The following SLC35D4 variants were observed in gnomAD, a reference collection of about 807,000 sequenced individuals.
SLC35D4 encodes UDP-N-acetylglucosamine transporter SLC35D4.
chr18:23,300,363 G>T, the SLC35D4 span, among the ~76,000 whole-genome samples: 1 of 152,276 alleles, frequency 6.6e-6, no homozygotes, highest in South Asian at 2.1e-4. Context: ...GTTTGGGAGG[G>T]TTTTATTTCT....
the SLC35D4 span, among the ~76,000 whole-genome samples, chr18:23,247,736 A>G: frequency 6.9e-4 from 105 of 152,362 alleles, 1 homozygote; most frequent in African/African-American, 2.3e-3. Flanking sequence ...GCCGCAGCTC[A>G]GAGAAGCAGG....
the SLC35D4 span, among the ~76,000 whole-genome samples, chr18:23,406,869 A>C: frequency 6.6e-6 from 1 of 152,198 alleles, no homozygotes. Flanking sequence ...GCAGTGTGCC[A>C]TCACGGCTCA....
At chr18:23,394,623 C>T in the SLC35D4 span, among the ~76,000 whole-genome samples, 8 of 152,048 alleles carry the variant, frequency 5.3e-5, no homozygotes, top group African/African-American at 1.9e-4. Context: ...TCCAAGAAAT[C>T]CTTGCCAAAT....
the SLC35D4 span, among the ~76,000 whole-genome samples, chr18:23,329,070 G>A: frequency 2.0e-5 from 3 of 152,152 alleles, no homozygotes; most frequent in Non-Finnish European, 4.4e-5. Context: ...ATGGACTAAA[G>A]ACTTAAATGT....
At chr18:23,322,029 A>G in the SLC35D4 span, among the ~76,000 whole-genome samples, 1 of 151,834 alleles carries the variant, frequency 6.6e-6, no homozygotes, top group African/African-American at 2.4e-5. Context: ...GGAGGAGGGA[A>G]CTCTTCTGCC....
At chr18:23,315,105 G>A in the SLC35D4 span, among the ~76,000 whole-genome samples, 3 of 152,036 alleles carry the variant, frequency 2.0e-5, no homozygotes, top group African/African-American at 7.3e-5. Context: ...TTGTTCTATT[G>A]GTTTTTAAAT....
the SLC35D4 span, among the ~76,000 whole-genome samples, chr18:23,407,603 T>C: frequency 6.7e-6 from 1 of 149,850 alleles, no homozygotes; most frequent in Non-Finnish European, 1.5e-5. Flanking sequence ...ACAAGAAATA[T>C]AAATGGCCAA....
chr18:23,250,448 C>T, the SLC35D4 span, among the ~76,000 whole-genome samples: 1 of 152,172 alleles, frequency 6.6e-6, no homozygotes, highest in Non-Finnish European at 1.5e-5. Context: ...AGATGTGGCC[C>T]CCATTCTACT....
the SLC35D4 span, among the ~76,000 whole-genome samples, chr18:23,286,714 G>C: frequency 2.6e-5 from 4 of 151,928 alleles, no homozygotes; most frequent in African/African-American, 4.8e-5. Flanking sequence ...TGACGGCCAG[G>C]CTTCTAAACC....
At chr18:23,314,461 G>A in the SLC35D4 span, among the ~76,000 whole-genome samples, 2 of 151,594 alleles carry the variant, frequency 1.3e-5, no homozygotes, top group African/African-American at 2.4e-5. Flanking sequence ...TGCTTACCCT[G>A]GGGGGGGCTA....
the SLC35D4 span, chr18:23,373,572 C>A: frequency 1.1e-6 from 1 of 899,660 alleles, no homozygotes; most frequent in Non-Finnish European, 1.7e-6. Flanking sequence ...CAGAGCTACC[C>A]AGCCTGCAAG....
chr18:23,395,520 T>G, the SLC35D4 span, among the ~76,000 whole-genome samples: 1 of 152,220 alleles, frequency 6.6e-6, no homozygotes, highest in Non-Finnish European at 1.5e-5. Flanking sequence ...TCAAGGTGCC[T>G]TGACCTAGAC....
the SLC35D4 span, among the ~76,000 whole-genome samples, chr18:23,360,473 G>A: frequency 4.0e-4 from 61 of 152,272 alleles, 1 homozygote; most frequent in East Asian, 0.01. Context: ...CATGATATAC[G>A]CAACAACATG....
chr18:23,267,007 CCAA>C, the SLC35D4 span, among the ~76,000 whole-genome samples: 15,755 of 152,244 alleles, frequency 0.1, 1,068 homozygotes, highest in Middle Eastern at 0.28. Context: ...GAGCATCCGA[CCAA>C]CAGACCACAG....
chr18:23,298,100 T>TC, the SLC35D4 span: 1 of 1,612,644 alleles, frequency 6.2e-7, no homozygotes, highest in East Asian at 2.2e-5. Flanking sequence ...AGCTCTCCAC[T>TC]CCCCCGGGAC....
chr18:23,290,009 A>C, the SLC35D4 span, among the ~76,000 whole-genome samples: 1 of 152,122 alleles, frequency 6.6e-6, no homozygotes, highest in Non-Finnish European at 1.5e-5. Flanking sequence ...TGCTCACACA[A>C]AGCCTGTTTG....
chr18:23,427,394 T>C, the SLC35D4 span, among the ~76,000 whole-genome samples: 1 of 152,118 alleles, frequency 6.6e-6, no homozygotes, highest in African/African-American at 2.4e-5. Flanking sequence ...AAGACATTTA[T>C]GCAGCCAACA....
At chr18:23,367,833 T>G in the SLC35D4 span, among the ~76,000 whole-genome samples, 11 of 152,094 alleles carry the variant, frequency 7.2e-5, no homozygotes, top group South Asian at 1.7e-3. Flanking sequence ...CATAACTCAC[T>G]GTAACCTTGA....
At chr18:23,359,289 G>A in the SLC35D4 span, among the ~76,000 whole-genome samples, 1 of 151,468 alleles carries the variant, frequency 6.6e-6, no homozygotes, top group Non-Finnish European at 1.5e-5. Context: ...GGAGGCTGAG[G>A]CAGAGAATTG....
Sources: gnomAD v4.1 joint callset for allele counts (sites outside exome capture counted in the v4.1 genomes callset) on GRCh38, gnomAD v4.1.1 for gene constraint, MANE v1.5 for transcripts, NCBI Gene and HGNC (gene_info 2026-07-23, HGNC 2026-07-21) for gene names.